MORC4: variants seen among roughly 807,000 people sequenced by gnomAD.
MORC4 encodes the protein MORC family CW-type zinc finger 4.
A neutral mutation model predicts 65.5 loss-of-function variants in MORC4; 22 were observed. The observed-to-expected ratio is 0.34, with a 90% CI of 0.24 to 0.48. MORC4 has a LOEUF of 0.48. MORC4 is among the 20% of genes least tolerant of loss of function. The probability of loss-of-function intolerance (pLI) is 0.99; values close to 1 mark genes in which losing one functional copy is unlikely to be tolerated. For synonymous variants in MORC4, 267 were observed against 255.8 expected, an observed-to-expected ratio of 1.04 and a Z score of -0.42; for missense variants, 624 against 703.0, an observed-to-expected ratio of 0.89 and a Z score of 1.27.
chrX:106,947,406 C>T (rs1933855716), intron 14 of MORC4, among the ~76,000 whole-genome samples: 1 of 106,749 alleles, frequency 9.4e-6, no homozygotes, highest in Non-Finnish European at 1.9e-5. Flanking sequence ...GTTGATCTTC[C>T]TAGTTGTTGT....
chrX:106,956,422 T>C (rs1318885111), intron 13 of MORC4, 58 bp downstream of exon 13: 6 of 991,215 alleles, frequency 6.1e-6, no homozygotes, highest in Non-Finnish European at 8.6e-6. Context: ...CTTCAACTTA[T>C]ATTTTCTGTT....
intron 10 of MORC4, among the ~76,000 whole-genome samples, chrX:106,960,452 A>G (rs1377718410): frequency 9.0e-6 from 1 of 111,559 alleles, no homozygotes; most frequent in Admixed American, 9.6e-5. Context: ...AGGGGACCTG[A>G]TTACCTATAT....
intron 14 of MORC4, among the ~76,000 whole-genome samples, chrX:106,946,330 A>G (rs1933827824): frequency 8.9e-6 from 1 of 112,618 alleles, no homozygotes; most frequent in South Asian, 3.7e-4. Flanking sequence ...ATATAAATGG[A>G]ATAATAAAAC....
At chrX:106,944,738 C>A (rs1933782067) in intron 14 of MORC4, among the ~76,000 whole-genome samples, 1 of 111,603 alleles carries the variant, frequency 9.0e-6, no homozygotes, top group Non-Finnish European at 1.9e-5. Flanking sequence ...CACCTTCAAA[C>A]CTGCTCCTTT....
chrX:106,970,643 C>T (rs1034996188), intron 9 of MORC4, among the ~76,000 whole-genome samples: 5 of 111,696 alleles, frequency 4.5e-5, no homozygotes, highest in South Asian at 3.8e-4. Flanking sequence ...AAAATCAATG[C>T]GCAAAAATCA....
At chrX:106,999,084 G>T (rs762638836) in intron 2 of MORC4, among the ~76,000 whole-genome samples, 14 of 111,854 alleles carry the variant, frequency 1.3e-4, no homozygotes, top group Non-Finnish European at 2.6e-4. Flanking sequence ...AGCAAACACC[G>T]GTGGAGCGAG....
chrX:106,964,222 G>T (rs1404437581), intron 9 of MORC4, among the ~76,000 whole-genome samples: 1 of 112,027 alleles, frequency 8.9e-6, no homozygotes, highest in Non-Finnish European at 1.9e-5. Context: ...GTCTGGAGCT[G>T]AAAAGTCTAA....
At chrX:106,956,841 C>A in intron 12 of MORC4, 95 bp downstream of exon 12, 2 of 660,404 alleles carry the variant, frequency 3.0e-6, no homozygotes, top group Non-Finnish European at 4.7e-6. Context: ...ATTTAAGAAC[C>A]AAAAAAATTC....
chrX:106,944,948 T>G (rs1015620897), intron 14 of MORC4, among the ~76,000 whole-genome samples: 2 of 111,702 alleles, frequency 1.8e-5, no homozygotes, highest in Non-Finnish European at 3.8e-5. Flanking sequence ...AGCATTGCTT[T>G]GATTATGCTA....
At position 106,956,478 on chromosome X, in the gene MORC4, A is replaced by G; in HGVS notation, c.1509+2T>C. 8.3e-7 allele frequency: 1 copy of G among 1,201,916 alleles called. No individual in the cohort carries two copies. The highest frequency in any genetic ancestry group is 1.1e-6 in the Non-Finnish European group (1 of 886,438). On this transcript the variant is annotated splice_donor_variant, in intron 13 of 16. Coordinates refer to ENST00000355610, the MANE Select transcript of MORC4 (RefSeq NM_024657.5). LOFTEE classifies it high-confidence loss of function. ...ACAATAAGGGTGTGCACTGCCTCTC[A>G]CCTGGTGGTTCTCATTTTCCATAGG...
intron 10 of MORC4, among the ~76,000 whole-genome samples, chrX:106,958,671 G>T (rs1934165857): frequency 1.8e-5 from 2 of 111,870 alleles, no homozygotes; most frequent in Non-Finnish European, 3.8e-5. Flanking sequence ...ATGAAAAATA[G>T]TAACAAGTAT....
chrX:106,943,762 G>A (rs1933759410), intron 14 of MORC4, among the ~76,000 whole-genome samples: 1 of 112,587 alleles, frequency 8.9e-6, no homozygotes, highest in Non-Finnish European at 1.9e-5. Context: ...ACTTGTAAAA[G>A]TTAATTGAAT....
intron 14 of MORC4, among the ~76,000 whole-genome samples, chrX:106,947,558 C>CTATA (rs1277165874): frequency 1.5e-5 from 1 of 64,909 alleles, no homozygotes; most frequent in Non-Finnish European, 2.7e-5. Flanking sequence ...TGTAGTTAAT[C>CTATA]TATATATATA....
At chrX:106,984,287 A>C (rs1205513441) in intron 5 of MORC4, among the ~76,000 whole-genome samples, 1 of 108,527 alleles carries the variant, frequency 9.2e-6, no homozygotes, top group Non-Finnish European at 1.9e-5. Flanking sequence ...GTCTCAAAAA[A>C]AAAAAATGTC....
At chrX:106,992,649 G>T (rs1000783359) in intron 3 of MORC4, among the ~76,000 whole-genome samples, 1 of 112,353 alleles carries the variant, frequency 8.9e-6, no homozygotes, top group Non-Finnish European at 1.9e-5. Flanking sequence ...AAGAATATAT[G>T]TCTGAATGCC....
At chrX:106,966,417 A>T (rs183630264) in intron 9 of MORC4, among the ~76,000 whole-genome samples, 1 of 112,604 alleles carries the variant, frequency 8.9e-6, no homozygotes, top group African/African-American at 3.2e-5. Flanking sequence ...TACCTGGTTC[A>T]TCTCATTGGG....
At chrX:106,991,201 C>T (rs1384284941) in intron 3 of MORC4, among the ~76,000 whole-genome samples, 2 of 111,466 alleles carry the variant, frequency 1.8e-5, no homozygotes, top group East Asian at 5.7e-4. Context: ...TTTTAATTCC[C>T]TAGACTAGAT....
rs2147800196 is a variant in MORC4 at position 106,941,404 on chromosome X, GAGAGAGAC to G, written c.*67_*74del. On this transcript the variant is annotated 3_prime_UTR_variant, in exon 17 of 17. Transcript: ENST00000355610. ...AGAGAGAGAGAGAGAGAGAGAGAGA[GAGAGAGAC>G]GTGAGGGAGGGAGAGAAAAGAGAAC... The G allele has an allele frequency of 5.3e-6, 4 of 758,888 alleles. No homozygotes were observed. Among genetic ancestry groups the G allele is most frequent in the South Asian group, 3.3e-5 (1 of 30,623 alleles). The allele number at this position is 758,888 out of a possible 1,213,427, so 62.5% of individuals were successfully genotyped here.
Position 106,980,914 on chromosome X carries a change from C to T in MORC4, c.913G>A (p.Asp305Asn). The T allele has an allele frequency of 1.7e-6, 2 of 1,207,138 alleles. No individual in the cohort carries two copies. The highest frequency in any genetic ancestry group is 2.2e-5 in the Admixed American group (1 of 45,970). The change falls in exon 7 of 17, where the codon GAT becomes AAT. Residue 305 changes from aspartate (D) to asparagine (N), a missense_variant. By Grantham distance (23) the Asp-to-Asn change is conservative. Transcript: ENST00000355610. ...IAKSLANVEY[D>N]TYKPTFTNKQ... The stretch of plus-strand genomic sequence containing the variant: ...ACTGTGAAGGTAGGTTTATATGTAT[C>T]ATATTCTACATTGGCCAGGCTCTTG...
Sources: allele counts gnomAD v4.1 joint callset (sites outside exome capture counted in the v4.1 genomes callset), GRCh38; gene constraint gnomAD v4.1.1; transcripts MANE v1.5; gene names NCBI Gene and HGNC (gene_info 2026-07-23, HGNC 2026-07-21).